The following POLD3 variants were observed in gnomAD, a reference collection of about 807,000 sequenced individuals.
POLD3 encodes DNA polymerase delta subunit 3.
A neutral mutation model predicts 58.2 loss-of-function variants in POLD3; 19 were observed. That is an observed-to-expected ratio of 0.33 (90% confidence interval 0.23 to 0.48). POLD3 has a LOEUF of 0.48. POLD3 is among the 20% of genes least tolerant of loss of function. The pLI, the probability that POLD3 is intolerant of heterozygous loss-of-function variation, is 0.99. For synonymous variants in POLD3, 172 were observed against 193.5 expected, an observed-to-expected ratio of 0.89 and a Z score of 0.92; for missense variants, 504 against 545.5, an observed-to-expected ratio of 0.92 and a Z score of 0.76.
chr11:74,625,916 A>G (rs140518478), intron 8 of POLD3, among the ~76,000 whole-genome samples: 59 of 124,600 alleles, frequency 4.7e-4, no homozygotes, highest in East Asian at 3.0e-3. Flanking sequence ...TTTCACTTCA[A>G]ATTGCCAAAT....
chr11:74,625,936 C>T (rs1038674920), intron 8 of POLD3, among the ~76,000 whole-genome samples: 6 of 149,746 alleles, frequency 4.0e-5, no homozygotes, highest in African/African-American at 1.5e-4. Context: ...TGAACAGTTA[C>T]TGTTTCCAGT....
chr11:74,666,979 T>C (rs2033277402), intron 4 of POLD3, among the ~76,000 whole-genome samples: 1 of 135,326 alleles, frequency 7.4e-6, no homozygotes, highest in Non-Finnish European at 1.6e-5. Flanking sequence ...AAAAAAAAAA[T>C]CAATGGGACA....
chr11:74,657,165 G>A (rs150009885), intron 4 of POLD3, among the ~76,000 whole-genome samples: 22 of 149,052 alleles, frequency 1.5e-4, no homozygotes, highest in South Asian at 4.3e-4. Context: ...GTCTTTGTGC[G>A]TCTTTATAGA....
At chr11:74,592,912 CG>C in intron 1 of POLD3, 194 bp downstream of exon 1, 6 of 1,420,016 alleles carry the variant, frequency 4.2e-6, no homozygotes, top group Non-Finnish European at 5.5e-6. Flanking sequence ...CCAGCACACA[CG>C]GAAGTCCGCG....
At chr11:74,615,316 G>A (rs991432049) in intron 5 of POLD3, among the ~76,000 whole-genome samples, 1 of 152,192 alleles carries the variant, frequency 6.6e-6, no homozygotes, top group Admixed American at 6.5e-5. Flanking sequence ...GAAAAAGAGG[G>A]GCCCAAGGGG....
At chr11:74,604,579 A>G in intron 2 of POLD3, 113 bp from the exon 3 acceptor site, 1 of 662,444 alleles carries the variant, frequency 1.5e-6, no homozygotes, top group South Asian at 1.9e-5. Context: ...GCTACTGTTC[A>G]GAAAATTTGA....
intron 1 of POLD3, chr11:74,593,090 T>A: frequency 1.0e-6 from 1 of 998,284 alleles, no homozygotes; most frequent in Non-Finnish European, 1.2e-6. Flanking sequence ...GTGTCTTAAC[T>A]GTGTTAAGTT....
intron 11 of POLD3, among the ~76,000 whole-genome samples, chr11:74,640,186 G>A (rs2032872531): frequency 6.6e-6 from 1 of 152,202 alleles, no homozygotes; most frequent in African/African-American, 2.4e-5. Context: ...GTCAAAGCAT[G>A]GAGTTAGAAG....
At chr11:74,637,026 G>A (rs1169384034) in intron 11 of POLD3, among the ~76,000 whole-genome samples, 2 of 152,156 alleles carry the variant, frequency 1.3e-5, no homozygotes, top group Non-Finnish European at 2.9e-5. Flanking sequence ...CTGTATTTTT[G>A]TGTTTGAAAA....
In POLD3 at chr11:74,640,699, A is replaced by C; in HGVS notation, c.1334A>C (p.Lys445Thr). Residue 445 changes from lysine (K) to threonine (T), a missense_variant, in exon 12 of 12, where the codon AAA (lysine) becomes ACA (threonine). Physicochemically the swap from Lys to Thr is moderately conservative, Grantham distance 78 (BLOSUM62 -1). Around this residue, in one of 2 missense-constraint regions of POLD3, gnomAD observed 385 missense variants for 370.5 expected, o/e 1.04. Coordinates refer to ENST00000263681, the MANE Select transcript of POLD3 (RefSeq NM_006591.3). ...EPREERKGPK[K>T]GTAALGKANR... Reference sequence around the variant, plus strand: ...AGAGAGGAACGAAAGGGCCCCAAGAAAGGGACTGCTGCTCTGGGCAAAGCC... The same window carrying C: ...AGAGAGGAACGAAAGGGCCCCAAGACAGGGACTGCTGCTCTGGGCAAAGCC... The C allele has an allele frequency of 6.2e-7, 1 of 1,613,072 alleles. No homozygotes were observed. The highest frequency in any genetic ancestry group is 8.5e-7 in the Non-Finnish European group (1 of 1,179,568).
At chr11:74,598,780 A>G (rs902169019) in intron 2 of POLD3, among the ~76,000 whole-genome samples, 1 of 152,136 alleles carries the variant, frequency 6.6e-6, no homozygotes, top group African/African-American at 2.4e-5. Flanking sequence ...TCAGGGCTCC[A>G]AAAGCTTGTG....
At chr11:74,592,952 G>A (rs1486968724) in intron 1 of POLD3, 4 of 1,386,536 alleles carry the variant, frequency 2.9e-6, no homozygotes, top group African/African-American at 1.5e-5. Context: ...TGGGAACAGA[G>A]CCTGGGGCTG....
intron 7 of POLD3, among the ~76,000 whole-genome samples, chr11:74,620,716 A>G (rs886528716): frequency 1.3e-5 from 2 of 152,204 alleles, no homozygotes; most frequent in African/African-American, 2.4e-5. Context: ...TACTTCTCAT[A>G]TCAAGTGTAC....
At chr11:74,663,943 C>A (rs1565136591) in intron 4 of POLD3, among the ~76,000 whole-genome samples, 1 of 151,782 alleles carries the variant, frequency 6.6e-6, no homozygotes, top group African/African-American at 2.4e-5. Context: ...TTAAGAAGAC[C>A]CAATTAAAAT....
In POLD3 at chr11:74,637,919, T is replaced by A. The variant is rs1393037081; in HGVS notation, c.1198+1644T>A. Among the ~76,000 whole-genome samples, 5 of 152,110 alleles carry A rather than the reference T, an allele frequency of 3.3e-5. No homozygotes were observed. In the East Asian group the frequency reaches 9.6e-4, roughly 29 times the overall value. On this transcript the variant is annotated intron_variant, in intron 11 of 11. Coordinates refer to ENST00000263681, the MANE Select transcript of POLD3 (RefSeq NM_006591.3). ...CTCTCTGCTCAGACTGTTCCAAATG[T>A]ACCAGCATAGGGGGCTTGCCCTGTC...
chr11:74,593,151 A>G (rs1169932339), intron 1 of POLD3: 4 of 574,628 alleles, frequency 7.0e-6, no homozygotes, highest in African/African-American at 2.0e-5. Context: ...AAATTTAAGC[A>G]TTGATAGAGG....
chr11:74,621,228 C>A (rs989256305), intron 7 of POLD3, among the ~76,000 whole-genome samples: 1 of 152,026 alleles, frequency 6.6e-6, no homozygotes, highest in Non-Finnish European at 1.5e-5. Flanking sequence ...AATGAGCAAG[C>A]GTTATTATGC....
intron 3 of POLD3, among the ~76,000 whole-genome samples, chr11:74,607,712 G>A (rs1281651452): frequency 2.0e-5 from 3 of 151,850 alleles, no homozygotes; most frequent in Non-Finnish European, 4.4e-5. Context: ...CCCCCAAGTA[G>A]CTGGGATTAC....
chr11:74,650,499 A>G (rs922898782), intron 4 of POLD3, among the ~76,000 whole-genome samples: 11 of 152,206 alleles, frequency 7.2e-5, no homozygotes, highest in African/African-American at 2.7e-4. Context: ...CTATTTCCTC[A>G]AGTACAGACA....
Sources: allele counts gnomAD v4.1 joint callset (sites outside exome capture counted in the v4.1 genomes callset), GRCh38; gene constraint gnomAD v4.1.1; regional missense constraint gnomAD v4.1.1; transcripts MANE v1.5; gene names NCBI Gene and HGNC (gene_info 2026-07-23, HGNC 2026-07-21).